The following GFOD1 variants were observed in gnomAD, a reference collection of about 807,000 sequenced individuals.
The protein encoded by GFOD1 is Gfo/Idh/MocA-like oxidoreductase domain containing 1, also known as glucose-fructose oxidoreductase domain-containing protein 1.
Under a neutral mutation model 25.4 loss-of-function variants are expected in GFOD1, and 9 were observed. The ratio of observed to expected loss-of-function variants is 0.35; its 90% CI spans 0.21 to 0.62. GFOD1 has a LOEUF of 0.62. Among genes scored for constraint, GFOD1 ranks in the 20% least tolerant of loss-of-function variants. The pLI, the probability that GFOD1 is intolerant of heterozygous loss-of-function variation, is 0.72. For synonymous variants in GFOD1, 253 were observed against 245.6 expected (o/e 1.03, Z -0.28); for missense variants, 403 against 556.9 (o/e 0.72, Z 2.78).
At chr6:13,462,431 C>T (rs1476572426) in intron 1 of GFOD1, among the ~76,000 whole-genome samples, 2 of 152,216 alleles carry the variant, frequency 1.3e-5, no homozygotes, top group East Asian at 1.9e-4. Context: ...CGTCTCAGAT[C>T]ACTTCTGGGC....
intron 1 of GFOD1, among the ~76,000 whole-genome samples, chr6:13,415,656 G>A (rs1294559115): frequency 2.6e-5 from 4 of 152,186 alleles, no homozygotes; most frequent in Non-Finnish European, 4.4e-5. Flanking sequence ...TATGTGTCCG[G>A]ATTCACTAGC....
chr6:13,470,411 G>C, intron 1 of GFOD1: 1 of 1,549,702 alleles, frequency 6.5e-7, no homozygotes, highest in Non-Finnish European at 8.7e-7. Context: ...TCTGTGCCCT[G>C]GATGTGAACG....
chr6:13,462,908 A>G (rs913698561), intron 1 of GFOD1, among the ~76,000 whole-genome samples: 1 of 152,210 alleles, frequency 6.6e-6, no homozygotes, highest in African/African-American at 2.4e-5. Flanking sequence ...GAAGAAAGCA[A>G]CAGCGAGATA....
chr6:13,389,049 C>G (rs2127560596), intron 1 of GFOD1, among the ~76,000 whole-genome samples: 1 of 152,330 alleles, frequency 6.6e-6, no homozygotes, highest in African/African-American at 2.4e-5. Flanking sequence ...AAATGCAAAT[C>G]AAAACCACAA....
At position 13,360,658 on chromosome 6, in the gene GFOD1, G is replaced by A. The variant is rs1249860365; in HGVS notation, c.*4085C>T. 4.4e-6 allele frequency: 2 copies of A among 449,484 alleles called. No homozygotes were observed. The highest frequency in any genetic ancestry group is 9.1e-6 in the Non-Finnish European group (2 of 220,962). The allele number at this position is 449,484 out of a possible 1,614,324, so 27.8% of individuals were successfully genotyped here. A position where few individuals can be genotyped will look rare whatever the true frequency, so the allele number is the denominator to read the frequency against. On this transcript the variant is annotated 3_prime_UTR_variant, in exon 2 of 2. Transcript: ENST00000379287. The stretch of plus-strand genomic sequence containing the variant: ...TGAGTGATATTTCCATTTTGGAATG[G>A]GAAGAAACACTGGCTACTTCTATGT...
intron 1 of GFOD1, among the ~76,000 whole-genome samples, chr6:13,445,443 C>T (rs115296182): frequency 1.6e-3 from 241 of 152,308 alleles, no homozygotes; most frequent in African/African-American, 5.5e-3. Context: ...CACCGTTTCC[C>T]TATCAGAATA....
chr6:13,394,042 G>A (rs527738613), intron 1 of GFOD1, among the ~76,000 whole-genome samples: 118 of 152,260 alleles, frequency 7.7e-4, no homozygotes, highest in African/African-American at 2.7e-3. Flanking sequence ...CTCCCAAAGT[G>A]CTGGGATTAC....
chr6:13,365,483 C>A lies in GFOD1; in HGVS notation c.433G>T (p.Val145Leu). The change falls in exon 2 of 2, where the codon GTG becomes TTG. Residue 145 changes from valine to leucine, a missense_variant. Coordinates refer to ENST00000379287, the MANE Select transcript of GFOD1 (RefSeq NM_018988.4). The surrounding 1 kb of genome is among the most constrained non-coding windows in gnomAD (Gnocchi z 9.2). The part of the protein sequence containing the change: ...IEEGYVGEPL[V>L]CEVQVHGGSL... Reference sequence around the variant, plus strand: ...CCGCCGTGCACCTGCACCTCACACACCAGCGGCTCGCCCACGTAGCCCTCC... The same window carrying A: ...CCGCCGTGCACCTGCACCTCACACAACAGCGGCTCGCCCACGTAGCCCTCC... 6.2e-7 allele frequency: 1 copy of A among 1,613,630 alleles called. No individual in the cohort carries two copies. Among genetic ancestry groups the A allele is most frequent in the Non-Finnish European group, 8.5e-7 (1 of 1,180,002 alleles).
At chr6:13,472,327 T>C (rs969076835) in intron 1 of GFOD1, among the ~76,000 whole-genome samples, 27 of 152,210 alleles carry the variant, frequency 1.8e-4, no homozygotes, top group Non-Finnish European at 3.8e-4. Flanking sequence ...ATGGCTACCA[T>C]ACTGCATAGC....
intron 1 of GFOD1, among the ~76,000 whole-genome samples, chr6:13,404,535 C>G (rs916838059): frequency 2.0e-5 from 3 of 152,166 alleles, no homozygotes; most frequent in African/African-American, 7.2e-5. Context: ...TTCCTTCAGC[C>G]TCAATAAAAA....
chr6:13,471,758 A>G (rs2560813), intron 1 of GFOD1, among the ~76,000 whole-genome samples: 149,368 of 152,288 alleles, frequency 0.98, 73,311 homozygotes, highest in Middle Eastern at 1. Flanking sequence ...TGACTGATTT[A>G]CCCATTGCTA....
intron 1 of GFOD1, chr6:13,470,545 G>A (rs1758478882): frequency 6.5e-7 from 1 of 1,546,574 alleles, no homozygotes; most frequent in African/African-American, 1.4e-5. Context: ...GGAGGGAGCA[G>A]AAGCTCAGCT....
At chr6:13,468,668 T>A (rs956782070) in intron 1 of GFOD1, among the ~76,000 whole-genome samples, 6 of 152,164 alleles carry the variant, frequency 3.9e-5, no homozygotes, top group African/African-American at 1.4e-4. Flanking sequence ...AGCCACTCAG[T>A]TCCTCTGAGA....
At chr6:13,412,165 T>G (rs144903889) in intron 1 of GFOD1, among the ~76,000 whole-genome samples, 122 of 152,308 alleles carry the variant, frequency 8.0e-4, no homozygotes, top group African/African-American at 2.7e-3. Flanking sequence ...CTAAAATTCA[T>G]ATATTGAAGC....
At chr6:13,471,720 A>C (rs1051460869) in intron 1 of GFOD1, among the ~76,000 whole-genome samples, 2 of 152,228 alleles carry the variant, frequency 1.3e-5, no homozygotes, top group Non-Finnish European at 2.9e-5. Context: ...GGGGTTGCTC[A>C]AAAATCCATG....
chr6:13,459,227 G>A (rs557630281), intron 1 of GFOD1, among the ~76,000 whole-genome samples: 3 of 151,988 alleles, frequency 2.0e-5, no homozygotes, highest in African/African-American at 7.2e-5. Context: ...TCTAATCTTC[G>A]ACAAACCTGA....
intron 1 of GFOD1, among the ~76,000 whole-genome samples, chr6:13,415,297 G>A (rs2127566970): frequency 6.6e-6 from 1 of 152,254 alleles, no homozygotes; most frequent in Middle Eastern, 3.4e-3. Context: ...CTTGCCTGTG[G>A]GAAGCACAGT....
intron 1 of GFOD1, among the ~76,000 whole-genome samples, chr6:13,418,178 A>C (rs1265346900): frequency 6.6e-6 from 1 of 152,196 alleles, no homozygotes; most frequent in Non-Finnish European, 1.5e-5. Flanking sequence ...CTAGCCATTC[A>C]CCTACTTAGT....
intron 1 of GFOD1, among the ~76,000 whole-genome samples, chr6:13,384,992 G>A (rs1785436107): frequency 6.6e-6 from 1 of 152,162 alleles, no homozygotes; most frequent in Admixed American, 6.5e-5. Context: ...AGATCCAGAA[G>A]GCAGAGACCC....
Sources: allele counts gnomAD v4.1 joint callset (sites outside exome capture counted in the v4.1 genomes callset), GRCh38; gene constraint gnomAD v4.1.1; non-coding constraint Gnocchi (gnomAD v3.1); transcripts MANE v1.5; gene names NCBI Gene and HGNC (gene_info 2026-07-23, HGNC 2026-07-21).